The following CFAP299 variants were observed in gnomAD, a reference collection of about 807,000 sequenced individuals.
CFAP299 encodes cilia- and flagella-associated protein 299.
CFAP299 carries 21 observed loss-of-function variants against 27.0 expected under a neutral mutation model. That is an observed-to-expected ratio of 0.78 (90% confidence interval 0.55 to 1.12). The LOEUF is 1.12. CFAP299 is among the 50% of genes most tolerant of loss of function. The probability of loss-of-function intolerance (pLI) is 0.00; values close to 1 mark genes in which losing one functional copy is unlikely to be tolerated. For synonymous variants in CFAP299, 104 were observed against 98.1 expected (o/e 1.06, Z -0.36); for missense variants, 310 against 276.6 (o/e 1.12, Z -0.86).
chr4:80,480,359 A>G (rs1267036207), intron 2 of CFAP299, among the ~76,000 whole-genome samples: 1 of 151,968 alleles, frequency 6.6e-6, no homozygotes, highest in Non-Finnish European at 1.5e-5. Flanking sequence ...TGCAGAGGGT[A>G]CGCAAAGAGG....
intron 3 of CFAP299, among the ~76,000 whole-genome samples, chr4:80,632,468 G>A (rs1449110683): frequency 6.6e-6 from 1 of 151,916 alleles, no homozygotes; most frequent in Non-Finnish European, 1.5e-5. Flanking sequence ...TCTATTATAT[G>A]CCAGGCAAGT....
At chr4:80,913,030 T>C (rs964734687) in intron 4 of CFAP299, among the ~76,000 whole-genome samples, 40 of 152,136 alleles carry the variant, frequency 2.6e-4, no homozygotes, top group African/African-American at 9.7e-4. Flanking sequence ...CACCATTATA[T>C]ACCACTGTAA....
In CFAP299 at chr4:80,445,605, T is replaced by C. The variant is rs539860327; in HGVS notation, c.242+82721T>C. Reference sequence around the variant, plus strand: ...GGTTGATGCGTGGAGCAAACCACCATGGCACATGTATACCTATGTAAGAAA... The same window carrying C: ...GGTTGATGCGTGGAGCAAACCACCACGGCACATGTATACCTATGTAAGAAA... On this transcript the variant is annotated intron_variant, in intron 2 of 5. Coordinates refer to ENST00000358105, the MANE Select transcript of CFAP299 (RefSeq NM_152770.3). 7.9e-5 allele frequency among the ~76,000 whole-genome samples: 12 copies of C among 152,258 alleles called. 1 individual carries two copies. In the South Asian group the frequency reaches 2.5e-3, roughly 32 times the overall value.
intron 3 of CFAP299, among the ~76,000 whole-genome samples, chr4:80,688,858 G>A (rs866403292): frequency 1.3e-5 from 2 of 152,066 alleles, no homozygotes; most frequent in South Asian, 4.2e-4. Context: ...AGGAGCTGAT[G>A]GAGCTGAAAA....
intron 2 of CFAP299, among the ~76,000 whole-genome samples, chr4:80,465,135 A>T (rs1467259154): frequency 3.9e-5 from 6 of 152,206 alleles, no homozygotes; most frequent in African/African-American, 1.4e-4. Context: ...TGTTTTTTTT[A>T]AATTACTACC....
intron 4 of CFAP299, among the ~76,000 whole-genome samples, chr4:80,885,947 C>A (rs1173623574): frequency 6.6e-6 from 1 of 152,168 alleles, no homozygotes; most frequent in South Asian, 2.1e-4. Context: ...CATTTCTGGA[C>A]CTGCCCTGGG....
chr4:80,591,358 C>T (rs979783420), intron 3 of CFAP299, among the ~76,000 whole-genome samples: 1 of 151,564 alleles, frequency 6.6e-6, no homozygotes, highest in Non-Finnish European at 1.5e-5. Context: ...CTCCTGACCT[C>T]GTGATCCGCC....
chr4:80,332,568 A>G (rs533210756), upstream of CFAP299, among the ~76,000 whole-genome samples: 1 of 152,334 alleles, frequency 6.6e-6, no homozygotes, highest in South Asian at 2.1e-4. Context: ...GCTTGTATAC[A>G]GCATTTGACT....
At chr4:80,394,629 A>T (rs543693996) in intron 2 of CFAP299, among the ~76,000 whole-genome samples, 2 of 152,246 alleles carry the variant, frequency 1.3e-5, no homozygotes, top group African/African-American at 4.8e-5. Context: ...GTCTAATTTC[A>T]TTCTTCCACA....
intron 4 of CFAP299, among the ~76,000 whole-genome samples, chr4:80,917,073 T>C (rs1197845687): frequency 6.6e-6 from 1 of 151,996 alleles, no homozygotes; most frequent in Non-Finnish European, 1.5e-5. Flanking sequence ...TAGAATAATG[T>C]TAGGAAAAGG....
At chr4:80,682,420 A>G (rs900570663) in intron 3 of CFAP299, among the ~76,000 whole-genome samples, 3 of 152,160 alleles carry the variant, frequency 2.0e-5, no homozygotes, top group Non-Finnish European at 4.4e-5. Context: ...AGAGGAAACA[A>G]CAGTCTTACG....
chr4:80,625,920 T>C (rs1206886791), intron 3 of CFAP299, among the ~76,000 whole-genome samples: 1 of 151,936 alleles, frequency 6.6e-6, no homozygotes, highest in African/African-American at 2.4e-5. Context: ...GAGCAATAGA[T>C]TGCCATATAA....
At chr4:80,951,120 AG>A in intron 5 of CFAP299, among the ~76,000 whole-genome samples, 1 of 152,322 alleles carries the variant, frequency 6.6e-6, no homozygotes, top group South Asian at 2.1e-4. Flanking sequence ...GAAAATTTAT[AG>A]GGCAAGATCT....
chr4:80,602,957 C>T (rs1577920136), intron 3 of CFAP299, among the ~76,000 whole-genome samples: 1 of 152,204 alleles, frequency 6.6e-6, no homozygotes, highest in African/African-American at 2.4e-5. Flanking sequence ...TCAGTTTTCT[C>T]TTGATGCCCC....
chr4:80,616,120 G>T (rs1045733534), intron 3 of CFAP299, among the ~76,000 whole-genome samples: 1 of 152,106 alleles, frequency 6.6e-6, no homozygotes, highest in Middle Eastern at 3.4e-3. Context: ...TGTATCACAG[G>T]CTGTTTCCAT....
chr4:80,776,387 C>T (rs974521369), intron 3 of CFAP299, among the ~76,000 whole-genome samples: 3 of 152,022 alleles, frequency 2.0e-5, no homozygotes, highest in Non-Finnish European at 4.4e-5. Context: ...CATAGTAGTA[C>T]ATAAATGCGT....
At chr4:80,508,445 A>C (rs999561526) in intron 2 of CFAP299, among the ~76,000 whole-genome samples, 1 of 152,186 alleles carries the variant, frequency 6.6e-6, no homozygotes, top group African/African-American at 2.4e-5. Context: ...AATAAGAAAG[A>C]AACTTGCTAT....
At chr4:80,610,061 C>CAG (rs1466564863) in intron 3 of CFAP299, among the ~76,000 whole-genome samples, 1 of 152,020 alleles carries the variant, frequency 6.6e-6, no homozygotes, top group African/African-American at 2.4e-5. Flanking sequence ...TATAGATTTG[C>CAG]AGAGAATTTG....
upstream of CFAP299, among the ~76,000 whole-genome samples, chr4:80,334,794 A>G (rs1315403578): frequency 6.6e-6 from 1 of 152,216 alleles, no homozygotes; most frequent in Non-Finnish European, 1.5e-5. Context: ...TGAACTTTTT[A>G]AATTAGGAAA....
Sources: allele counts gnomAD v4.1 joint callset (sites outside exome capture counted in the v4.1 genomes callset), GRCh38; gene constraint gnomAD v4.1.1; transcripts MANE v1.5; gene names NCBI Gene and HGNC (gene_info 2026-07-23, HGNC 2026-07-21).